PAX2: variants seen among roughly 807,000 people sequenced by gnomAD.
The protein encoded by PAX2 is paired box protein Pax-2.
Under a neutral mutation model 41.7 loss-of-function variants are expected in PAX2, and 9 were observed. That is an observed-to-expected ratio of 0.22 (90% CI 0.13 to 0.38). PAX2 has a LOEUF of 0.38. Among genes scored for constraint, PAX2 ranks in the 10% least tolerant of loss-of-function variants. The probability of loss-of-function intolerance (pLI) is 1.00; values close to 1 mark genes in which losing one functional copy is unlikely to be tolerated. For synonymous variants in PAX2, 221 were observed against 212.7 expected (o/e 1.04, Z -0.34); for missense variants, 418 against 531.6 (o/e 0.79, Z 2.10).
exon 1 of PAX2, chr10:100,735,585 G>A: frequency 2.5e-6 from 2 of 813,648 alleles, no homozygotes; most frequent in Non-Finnish European, 3.1e-6. Flanking sequence ...GCCGCTTGGT[G>A]TTGGGTGGCT....
chr10:100,757,239 T>C (rs1845666967), intron 3 of PAX2, among the ~76,000 whole-genome samples: 1 of 152,210 alleles, frequency 6.6e-6, no homozygotes. Context: ...GGAGGAAGGC[T>C]CACAGGACAT....
intron 3 of PAX2, among the ~76,000 whole-genome samples, chr10:100,758,406 C>T (rs1035026296): frequency 1.3e-5 from 2 of 152,010 alleles, no homozygotes; most frequent in African/African-American, 4.8e-5. Context: ...TCCCAGATTG[C>T]TGGGATTACA....
chr10:100,765,291 G>A (rs1412446533), intron 3 of PAX2, among the ~76,000 whole-genome samples: 1 of 152,126 alleles, frequency 6.6e-6, no homozygotes, highest in African/African-American at 2.4e-5. Flanking sequence ...ATCTTTATGG[G>A]AACTTCCATG....
intron 3 of PAX2, among the ~76,000 whole-genome samples, chr10:100,778,779 A>G (rs1276214485): frequency 1.3e-5 from 2 of 152,164 alleles, no homozygotes; most frequent in Non-Finnish European, 2.9e-5. Context: ...CCAGGCTGGC[A>G]AAGACGCTGC....
chr10:100,799,713 G>C (rs907697075), intron 5 of PAX2, among the ~76,000 whole-genome samples: 10 of 151,704 alleles, frequency 6.6e-5, no homozygotes, highest in African/African-American at 2.4e-4. Context: ...GTAGGTGAAA[G>C]CCCTAATATC....
At chr10:100,802,511 C>A (rs1236982039) in intron 5 of PAX2, among the ~76,000 whole-genome samples, 1 of 152,226 alleles carries the variant, frequency 6.6e-6, no homozygotes, top group Non-Finnish European at 1.5e-5. Flanking sequence ...GGGGATAGCA[C>A]ATCTTTTGCT....
chr10:100,751,026 T>C, intron 3 of PAX2, 135 bp downstream of exon 3: 1 of 753,650 alleles, frequency 1.3e-6, no homozygotes, highest in South Asian at 1.4e-5. Context: ...AATCCTTCTG[T>C]CAGAGAAAGG....
At chr10:100,799,793 T>C (rs938133438) in intron 5 of PAX2, among the ~76,000 whole-genome samples, 1 of 145,476 alleles carries the variant, frequency 6.9e-6, no homozygotes, top group African/African-American at 2.5e-5. Context: ...GTAATTCTTT[T>C]TTTTTTTTTT....
At chr10:100,740,230 C>T (rs763602536) in intron 1 of PAX2, among the ~76,000 whole-genome samples, 5 of 152,136 alleles carry the variant, frequency 3.3e-5, no homozygotes, top group Non-Finnish European at 5.9e-5. Flanking sequence ...TGAAGAGGAC[C>T]GCGCCTGAGG....
rs1848489565 is a variant in PAX2 at position 100,824,689 on chromosome 10, C to T, written c.961C>T (p.His321Tyr). 6.2e-7 allele frequency: 1 copy of T among 1,611,382 alleles called. No individual in the cohort carries two copies. The highest frequency in any genetic ancestry group is 8.5e-7 in the Non-Finnish European group (1 of 1,177,546). ...ASTTLPGYPPHVPPTGQGSYP... is the reference protein window; with the variant it reads ...ASTTLPGYPPYVPPTGQGSYP... The stretch of plus-strand genomic sequence containing the variant: ...CACCACTCTGCCTGGTTACCCCCCT[C>T]ACGTGCCCCCCACTGGCCAGGGAAG... Residue 321 changes from histidine (H) to tyrosine (Y), a missense_variant, in exon 8 of 10, where the codon CAC becomes TAC. This residue lies in a region of PAX2 where 310 missense variants were observed against 325.2 expected (regional missense o/e 0.95). Coordinates refer to ENST00000355243, the MANE Select transcript of PAX2 (RefSeq NM_000278.5). This position sits in a 1 kb window ranked among gnomAD's most constrained non-coding sequence, Gnocchi z 6.6.
At chr10:100,762,909 G>A (rs980855362) in intron 3 of PAX2, among the ~76,000 whole-genome samples, 1 of 152,226 alleles carries the variant, frequency 6.6e-6, no homozygotes, top group Admixed American at 6.5e-5. Context: ...GTCTGTGCTG[G>A]ACTCTGGGAT....
intron 3 of PAX2, among the ~76,000 whole-genome samples, chr10:100,758,655 G>A (rs1035459717): frequency 3.3e-4 from 51 of 152,350 alleles, no homozygotes; most frequent in African/African-American, 1.1e-3. Flanking sequence ...ACAAACAGCC[G>A]GAGCACATGG....
chr10:100,786,822 A>G, intron 5 of PAX2: 1 of 538,952 alleles, frequency 1.9e-6, no homozygotes, highest in South Asian at 1.5e-5. Flanking sequence ...ATTGCAGCTC[A>G]GAACCCTTGT....
At chr10:100,772,823 C>T (rs1846261426) in intron 3 of PAX2, among the ~76,000 whole-genome samples, 1 of 152,176 alleles carries the variant, frequency 6.6e-6, no homozygotes, top group Non-Finnish European at 1.5e-5. Context: ...TTTTGTTCCT[C>T]TAGGGAATAA....
intron 5 of PAX2, among the ~76,000 whole-genome samples, chr10:100,796,915 C>T (rs1041442824): frequency 6.6e-6 from 1 of 152,200 alleles, no homozygotes; most frequent in Non-Finnish European, 1.5e-5. Context: ...CTTCTCTGAG[C>T]CTGGCTTTTG....
intron 3 of PAX2, among the ~76,000 whole-genome samples, chr10:100,767,654 A>G (rs967868621): frequency 6.6e-6 from 1 of 152,168 alleles, no homozygotes; most frequent in Non-Finnish European, 1.5e-5. Context: ...ATATTTCTTC[A>G]GGGACTTTCC....
chr10:100,809,150 A>G lies in PAX2; in HGVS notation c.833A>G (p.Asp278Gly), dbSNP rs1359091789. The G allele has an allele frequency of 6.2e-7, 1 of 1,613,030 alleles. No homozygotes were observed. The highest frequency in any genetic ancestry group is 1.1e-5 in the South Asian group (1 of 91,054). ...CTCCCAGCCCTGACCCCTGGGCTTG[A>G]TGAAGTCAAGTCGAGTCTATCTGCA... ...YSLPALTPGL[D>G]EVKSSLSAST... The change falls in exon 7 of 10, where the codon GAT (aspartate) becomes GGT (glycine). Residue 278 changes from aspartate to glycine, a missense_variant. Asp to Gly is a moderately conservative substitution (Grantham distance 94). Coordinates refer to ENST00000355243, the MANE Select transcript of PAX2 (RefSeq NM_000278.5).
chr10:100,753,669 A>T (rs1215400359), intron 3 of PAX2, among the ~76,000 whole-genome samples: 3 of 152,162 alleles, frequency 2.0e-5, no homozygotes, highest in Non-Finnish European at 2.9e-5. Flanking sequence ...AAAGAAGTCC[A>T]CACATGCTCA....
intron 1 of PAX2, 137 bp downstream of exon 1, chr10:100,746,440 CTT>C: frequency 2.7e-6 from 2 of 749,930 alleles, no homozygotes; most frequent in African/African-American, 3.4e-5. Flanking sequence ...TCTTTTCGTT[CTT>C]TCTCTCCCTC....
Sources: gnomAD v4.1 joint callset for allele counts (sites outside exome capture counted in the v4.1 genomes callset) on GRCh38, gnomAD v4.1.1 for gene constraint, gnomAD v4.1.1 regional missense constraint, Gnocchi (gnomAD v3.1) non-coding constraint, MANE v1.5 for transcripts, NCBI Gene and HGNC (gene_info 2026-07-23, HGNC 2026-07-21) for gene names.